PDS5B: variants seen among roughly 807,000 people sequenced by gnomAD.
PDS5B encodes the protein PDS5 cohesin associated factor B.
PDS5B carries 51 observed loss-of-function variants against 184.1 expected under a neutral mutation model. That is an observed-to-expected ratio of 0.28 (90% CI 0.22 to 0.35). PDS5B has a LOEUF of 0.35. Ranked by LOEUF, PDS5B falls within the 10% of genes least tolerant of loss-of-function variation. The pLI, the probability that PDS5B is intolerant of heterozygous loss-of-function variation, is 1.00. For missense variants in PDS5B, 1,180 were observed against 1,723.3 expected, an observed-to-expected ratio of 0.68 and a Z score of 5.58; for synonymous variants, 566 against 569.2, an observed-to-expected ratio of 0.99 and a Z score of 0.08.
chr13:32,753,127 A>G (rs1016320732), intron 24 of PDS5B, among the ~76,000 whole-genome samples: 2 of 152,176 alleles, frequency 1.3e-5, no homozygotes, highest in African/African-American at 2.4e-5. Context: ...TAACACATCT[A>G]ACTGGTACTT....
chr13:32,644,987 T>C (rs927062621), intron 1 of PDS5B, among the ~76,000 whole-genome samples: 7 of 152,186 alleles, frequency 4.6e-5, no homozygotes, highest in Non-Finnish European at 8.8e-5. Context: ...GTCTGTGATT[T>C]ATTTTCTCTG....
rs1214555409 is a variant in PDS5B, at chr13:32,777,660, A to G, written c.*2608A>G. ...TTCCTCAGTGAGGTTATCTTGCTGCACTCTGTAGCAAATTTGTTTAATCTA... is the reference window on the plus strand; with the variant it reads ...TTCCTCAGTGAGGTTATCTTGCTGCGCTCTGTAGCAAATTTGTTTAATCTA... On this transcript the variant is annotated 3_prime_UTR_variant, in exon 35 of 35. Transcript: ENST00000315596. 6.6e-6 allele frequency: 1 copy of G among 152,206 alleles called. No homozygotes were observed. Among genetic ancestry groups the G allele is most frequent in the Non-Finnish European group, 1.5e-5 (1 of 67,796 alleles). The allele number at this position is 152,206 out of a possible 1,614,324, so 9.4% of individuals were successfully genotyped here.
chr13:32,669,370 G>A (rs1950876914), intron 7 of PDS5B, among the ~76,000 whole-genome samples: 2 of 150,796 alleles, frequency 1.3e-5, no homozygotes, highest in African/African-American at 4.9e-5. Flanking sequence ...ACGCTATACT[G>A]TATTGATATC....
At chr13:32,758,678 G>C in intron 28 of PDS5B, 25 bp downstream of exon 28, 1 of 1,609,968 alleles carries the variant, frequency 6.2e-7, no homozygotes, top group South Asian at 1.1e-5. Flanking sequence ...ATTTGTTTGT[G>C]TAAGTTGAAA....
At chr13:32,698,513 A>G (rs534906458) in intron 15 of PDS5B, among the ~76,000 whole-genome samples, 1 of 152,186 alleles carries the variant, frequency 6.6e-6, no homozygotes, top group Non-Finnish European at 1.5e-5. Flanking sequence ...CTGTTGTACT[A>G]TAATGTGGTT....
chr13:32,662,623 GA>G (rs1483847300), intron 6 of PDS5B, among the ~76,000 whole-genome samples: 1 of 152,034 alleles, frequency 6.6e-6, no homozygotes, highest in African/African-American at 2.4e-5. Context: ...AAAATATTTA[GA>G]AATGATAATT....
chr13:32,617,384 CAT>C (rs2058235285), intron 1 of PDS5B, among the ~76,000 whole-genome samples: 1 of 152,154 alleles, frequency 6.6e-6, no homozygotes, highest in Non-Finnish European at 1.5e-5. Flanking sequence ...ACAACACAGA[CAT>C]ACTGTTTTGG....
rs182450105 is a variant in PDS5B, at chr13:32,730,270, A to T, written c.2124-1831A>T. On this transcript the variant is annotated intron_variant, in intron 19 of 34. Transcript: ENST00000315596. Reference sequence around the variant, plus strand: ...CAGATGGTTGTAGATGTGTAATGTTATTTCTGTGGCCTCTGTTCTGTTCCA... The same window carrying T: ...CAGATGGTTGTAGATGTGTAATGTTTTTTCTGTGGCCTCTGTTCTGTTCCA... 1.3e-4 allele frequency among the ~76,000 whole-genome samples: 20 copies of T among 152,044 alleles called. No homozygotes were observed. In the East Asian group the frequency reaches 2.3e-3, roughly 18 times the overall value.
At chr13:32,688,355 A>G (rs1593431017) in intron 12 of PDS5B, 101 bp from the exon 13 acceptor site, 40 of 580,322 alleles carry the variant, frequency 6.9e-5, no homozygotes, top group South Asian at 2.6e-5. Context: ...GAGCGGCAGG[A>G]ACTTCTTTAA....
intron 1 of PDS5B, among the ~76,000 whole-genome samples, chr13:32,626,567 C>G (rs1222845936): frequency 6.6e-6 from 1 of 151,904 alleles, no homozygotes; most frequent in African/African-American, 2.4e-5. Flanking sequence ...CATGAGCCTC[C>G]TGTCACCATC....
intron 19 of PDS5B, among the ~76,000 whole-genome samples, chr13:32,730,513 T>C (rs1953072872): frequency 6.6e-6 from 1 of 152,200 alleles, no homozygotes; most frequent in African/African-American, 2.4e-5. Context: ...GGGAATAGCA[T>C]TGAATCTATA....
rs756888465 is a variant in PDS5B at position 32,775,076 on chromosome 13, CTG to C, written c.*27_*28del. The C allele has an allele frequency of 2.2e-6, 3 of 1,336,712 alleles. No homozygotes were observed. Among genetic ancestry groups the C allele is most frequent in the Middle Eastern group, 2.0e-4 (1 of 5,012 alleles). 82.8% of individuals were successfully genotyped at this position (1,336,712 alleles called of 1,614,324 possible). A position where few individuals can be genotyped will look rare whatever the true frequency, so the allele number is the denominator to read the frequency against. On this transcript the variant is annotated 3_prime_UTR_variant, in exon 35 of 35. Transcript: ENST00000315596. ...GAACAAATGTAATTAATAACTTTCT[CTG>C]TGAAAGCTTTGGAAAAATCTTTTTT...
chr13:32,716,199 C>T (rs1952400801), intron 19 of PDS5B, among the ~76,000 whole-genome samples: 1 of 151,678 alleles, frequency 6.6e-6, no homozygotes, highest in African/African-American at 2.4e-5. Flanking sequence ...GGCGTGCCAT[C>T]CCATCTAGGA....
intron 24 of PDS5B, among the ~76,000 whole-genome samples, chr13:32,749,043 G>A (rs756272693): frequency 1.3e-5 from 2 of 151,894 alleles, no homozygotes; most frequent in Admixed American, 6.6e-5. Flanking sequence ...AATATTTAGG[G>A]GGTTGATGCT....
intron 1 of PDS5B, among the ~76,000 whole-genome samples, chr13:32,590,730 A>G (rs942588741): frequency 3.9e-5 from 6 of 152,228 alleles, no homozygotes; most frequent in African/African-American, 1.4e-4. Context: ...GGAAAGCTCC[A>G]TATCTCCAAA....
At chr13:32,734,343 T>C (rs2140956519) in intron 20 of PDS5B, among the ~76,000 whole-genome samples, 1 of 152,306 alleles carries the variant, frequency 6.6e-6, no homozygotes, top group African/African-American at 2.4e-5. Flanking sequence ...CTTAACAATA[T>C]ATTTCTGATA....
chr13:32,596,154 C>T (rs1280899680), intron 1 of PDS5B, among the ~76,000 whole-genome samples: 1 of 152,084 alleles, frequency 6.6e-6, no homozygotes, highest in Non-Finnish European at 1.5e-5. Context: ...CACATGTAAC[C>T]AATAACCACA....
chr13:32,644,906 C>T (rs1345771713), intron 1 of PDS5B, among the ~76,000 whole-genome samples: 3 of 152,146 alleles, frequency 2.0e-5, no homozygotes, highest in African/African-American at 7.2e-5. Flanking sequence ...GGGATAAACA[C>T]TTATGAATAT....
At chr13:32,659,415 T>C in intron 6 of PDS5B, 135 bp downstream of exon 6, 1 of 519,100 alleles carries the variant, frequency 1.9e-6, no homozygotes, top group Non-Finnish European at 3.2e-6. Flanking sequence ...TATTAATACA[T>C]ATTTATTGTG....
Sources: allele counts gnomAD v4.1 joint callset (sites outside exome capture counted in the v4.1 genomes callset), GRCh38; gene constraint gnomAD v4.1.1; transcripts MANE v1.5; gene names NCBI Gene and HGNC (gene_info 2026-07-23, HGNC 2026-07-21).